Variants in RGMB observed in about 807,000 individuals in gnomAD.
RGMB encodes repulsive guidance molecule B.
A neutral mutation model predicts 26.9 loss-of-function variants in RGMB; 16 were observed. The observed-to-expected ratio is 0.60, with a 90% CI of 0.40 to 0.90. RGMB has a LOEUF of 0.90. Among genes scored for constraint, RGMB ranks in the 40% least tolerant of loss-of-function variants. The pLI, the probability that RGMB is intolerant of heterozygous loss-of-function variation, is 0.00. For synonymous variants in RGMB, 225 were observed against 229.3 expected, an observed-to-expected ratio of 0.98 and a Z score of 0.17; for missense variants, 512 against 573.3, an observed-to-expected ratio of 0.89 and a Z score of 1.09.
In RGMB at chr5:98,793,445, AG is replaced by A; in HGVS notation, c.1007del (p.Ser336ThrfsTer29). ...CCAGGTGTCTGCCATCCTGGGACAC[AG>A]CCTGCCTCGCACCTCCTTGGTGCAG... ...QGQVSAILGH[S>X]LPRTSLVQAW... On this transcript the variant is annotated frameshift_variant, in exon 3 of 3. Transcript: ENST00000513185. LOFTEE classifies it high-confidence loss of function. 6.2e-7 allele frequency: 1 copy of A among 1,612,454 alleles called. No homozygotes were observed. The highest frequency in any genetic ancestry group is 8.5e-7 in the Non-Finnish European group (1 of 1,179,344).
intron 2 of RGMB, among the ~76,000 whole-genome samples, chr5:98,789,456 C>G (rs1454604467): frequency 6.6e-6 from 1 of 151,500 alleles, no homozygotes; most frequent in African/African-American, 2.4e-5. Context: ...TCTTTGTTGG[C>G]TACCTAATTT....
chr5:98,776,202 T>C (rs919241460), intron 1 of RGMB, among the ~76,000 whole-genome samples: 28 of 152,234 alleles, frequency 1.8e-4, no homozygotes, highest in Non-Finnish European at 3.4e-4. Context: ...ATGAAAGCTC[T>C]AGACCCACAA....
At chr5:98,781,757 A>G (rs1383328000) in intron 2 of RGMB, among the ~76,000 whole-genome samples, 1 of 152,218 alleles carries the variant, frequency 6.6e-6, no homozygotes, top group Non-Finnish European at 1.5e-5. Flanking sequence ...CATGCCTTCC[A>G]TCCGGTCATG....
chr5:98,783,946 C>A (rs371216231), intron 2 of RGMB, among the ~76,000 whole-genome samples: 2 of 152,152 alleles, frequency 1.3e-5, no homozygotes, highest in East Asian at 1.9e-4. Context: ...ACCACTCTTG[C>A]TTTCTTATTC....
In RGMB at chr5:98,780,023, T is replaced by A. The variant is rs1250122384; in HGVS notation, c.580T>A (p.Tyr194Asn). 1 of 1,613,756 alleles carries A rather than the reference T, an allele frequency of 6.2e-7. No individual in the cohort carries two copies. Among genetic ancestry groups the A allele is most frequent in the Admixed American group, 1.7e-5 (1 of 60,006 alleles). The stretch of plus-strand genomic sequence containing the variant: ...GGCCTGGCCACTCATAGATAATAAT[T>A]ATCTTTCAGTTCAAGTGACAAACGT... ...EGAWPLIDNN[Y>N]LSVQVTNVPV... The change falls in exon 2 of 3, where the codon TAT becomes AAT. Residue 194 changes from tyrosine (Y) to asparagine (N), a missense_variant. By Grantham distance (143) the Tyr-to-Asn change is moderately radical. Coordinates refer to ENST00000513185, the MANE Select transcript of RGMB (RefSeq NM_001366508.1).
chr5:98,795,057 C>T lies in RGMB; in HGVS notation c.*1304C>T, dbSNP rs1291519556. On this transcript the variant is annotated 3_prime_UTR_variant, in exon 3 of 3. Coordinates refer to ENST00000513185, the MANE Select transcript of RGMB (RefSeq NM_001366508.1). Reference sequence around the variant, plus strand: ...GTTGAATATGATTTGGTCAGTTGCTCGTTGTAACTTGGAGAAATTCCTATA... The same window carrying T: ...GTTGAATATGATTTGGTCAGTTGCTTGTTGTAACTTGGAGAAATTCCTATA... The T allele has an allele frequency of 1.3e-5, 2 of 152,158 alleles. No homozygotes were observed. The highest frequency in any genetic ancestry group is 2.4e-5 in the African/African-American group (1 of 41,426). The allele number at this position is 152,158 out of a possible 1,614,324, so 9.4% of individuals were successfully genotyped here.
In RGMB at chr5:98,793,855, A is replaced by C; in HGVS notation, c.*102A>C. ...GTAAAAGAGTATATATGTATATACC[A>C]TGTATATGACAGGATGTTTGTCCTG... On this transcript the variant is annotated 3_prime_UTR_variant, in exon 3 of 3. Transcript: ENST00000513185. 8 of 884,546 alleles carry C rather than the reference A, an allele frequency of 9.0e-6. No homozygotes were observed. Among genetic ancestry groups the C allele is most frequent in the Non-Finnish European group, 1.3e-5 (8 of 597,960 alleles). The allele number at this position is 884,546 out of a possible 1,614,324, so 54.8% of individuals were successfully genotyped here.
At chr5:98,784,242 C>G (rs1022428269) in intron 2 of RGMB, among the ~76,000 whole-genome samples, 5 of 152,224 alleles carry the variant, frequency 3.3e-5, no homozygotes, top group African/African-American at 1.2e-4. Context: ...GGGCAGCACT[C>G]ATCGCCTGTC....
upstream of RGMB, chr5:98,773,095 C>G (rs1746225768): frequency 6.6e-6 from 1 of 152,192 alleles, no homozygotes; most frequent in Non-Finnish European, 1.5e-5. Flanking sequence ...CTTTACCAGA[C>G]ACCCTCAAAC....
chr5:98,788,375 C>T (rs1325985243), intron 2 of RGMB, among the ~76,000 whole-genome samples: 2 of 152,156 alleles, frequency 1.3e-5, no homozygotes, highest in African/African-American at 4.8e-5. Flanking sequence ...TGTAAAATTA[C>T]ATCCCAGTTC....
Position 98,783,436 on chromosome 5 carries a change from A to G in RGMB, c.645+3348A>G, listed in dbSNP as rs1180714831. ...AGTTAGCTACACTGAGAAGAAAGGCAGGTTTTGTTTTGCAGGAGGAAGTAG... is the reference window on the plus strand; with the variant it reads ...AGTTAGCTACACTGAGAAGAAAGGCGGGTTTTGTTTTGCAGGAGGAAGTAG... On this transcript the variant is annotated intron_variant, in intron 2 of 2. Transcript: ENST00000513185. Among the ~76,000 whole-genome samples the G allele has an allele frequency of 2.0e-5, 3 of 152,206 alleles. No homozygotes were observed. The East Asian group carries it at 5.8e-4, about 29-fold the overall frequency.
chr5:98,793,742 G>C lies in RGMB; in HGVS notation c.1303G>C (p.Val435Leu), dbSNP rs562501978. Residue 435 changes from valine to leucine, a missense_variant, in exon 3 of 3, where the codon GTG becomes CTG. By Grantham distance (32) the Val-to-Leu change is conservative. Coordinates refer to ENST00000513185, the MANE Select transcript of RGMB (RefSeq NM_001366508.1). ...SLGLTCLILI[V>L]FL Reference sequence around the variant, plus strand: ...AGGACTCACCTGCTTGATCCTTATCGTGTTTTTGTAGGGGTTGTCTTTTGT... The same window carrying C: ...AGGACTCACCTGCTTGATCCTTATCCTGTTTTTGTAGGGGTTGTCTTTTGT... 7 of 1,566,898 alleles carry C rather than the reference G, an allele frequency of 4.5e-6. No individual in the cohort carries two copies. Among genetic ancestry groups the C allele is most frequent in the African/African-American group, 1.4e-5 (1 of 73,790 alleles).
chr5:98,780,283 A>T, intron 2 of RGMB, 195 bp downstream of exon 2: 1 of 550,084 alleles, frequency 1.8e-6, no homozygotes, highest in East Asian at 2.9e-5. Flanking sequence ...ACGTGGTTCT[A>T]ATTTTAAATA....
At position 98,793,950 on chromosome 5, in the gene RGMB, T is replaced by C. The variant is rs946248997; in HGVS notation, c.*197T>C. ...TATGTTGGATGTAGTGTTCTTTGATTGTATCAATTTTGTTTTGCAGTTCTG... is the reference window on the plus strand; with the variant it reads ...TATGTTGGATGTAGTGTTCTTTGATCGTATCAATTTTGTTTTGCAGTTCTG... On this transcript the variant is annotated 3_prime_UTR_variant, in exon 3 of 3. Coordinates refer to ENST00000513185, the MANE Select transcript of RGMB (RefSeq NM_001366508.1). The C allele has an allele frequency of 6.0e-6, 3 of 503,058 alleles. No individual in the cohort carries two copies. The highest frequency in any genetic ancestry group is 1.0e-5 in the Non-Finnish European group (3 of 290,936). The allele number at this position is 503,058 out of a possible 1,614,324, so 31.2% of individuals were successfully genotyped here. A position where few individuals can be genotyped will look rare whatever the true frequency, so the allele number is the denominator to read the frequency against.
intron 2 of RGMB, 36 bp downstream of exon 2, chr5:98,780,124 A>T: frequency 6.4e-7 from 1 of 1,561,672 alleles, no homozygotes; most frequent in South Asian, 1.2e-5. Flanking sequence ...TCCCTACTCA[A>T]CTTTCAAAAG....
chr5:98,781,208 A>C (rs1185799905), intron 2 of RGMB: 1 of 152,176 alleles, frequency 6.6e-6, no homozygotes, highest in Non-Finnish European at 1.5e-5. Context: ...GAATTTTACA[A>C]CACCTCGGGA....
rs985947768 is a variant in RGMB, at chr5:98,794,340, C to T, written c.*587C>T. On this transcript the variant is annotated 3_prime_UTR_variant, in exon 3 of 3. Coordinates refer to ENST00000513185, the MANE Select transcript of RGMB (RefSeq NM_001366508.1). ...GCTGATCTTAAGAAGCTCTCTTCAT[C>T]TAAGAGCTGTTACTTTTTCAGAAGG... 1.3e-5 allele frequency: 2 copies of T among 152,182 alleles called. No individual in the cohort carries two copies. Among genetic ancestry groups the T allele is most frequent in the African/African-American group, 4.8e-5 (2 of 41,418 alleles). 9.4% of individuals were successfully genotyped at this position (152,182 alleles called of 1,614,324 possible). A position where few individuals can be genotyped will look rare whatever the true frequency, so the allele number is the denominator to read the frequency against.
At chr5:98,774,271 A>G (rs904860303) in intron 1 of RGMB, 65 bp downstream of exon 1, 10 of 1,328,424 alleles carry the variant, frequency 7.5e-6, no homozygotes, top group Non-Finnish European at 8.7e-6. Context: ...AAATAGCCCC[A>G]GGTCTCGAAG....
chr5:98,787,132 A>C (rs998240199), intron 2 of RGMB, among the ~76,000 whole-genome samples: 1 of 152,244 alleles, frequency 6.6e-6, no homozygotes, highest in Admixed American at 6.5e-5. Context: ...AAATGCAGAC[A>C]TAAAGATATT....
Sources: gnomAD v4.1 joint callset for allele counts (sites outside exome capture counted in the v4.1 genomes callset) on GRCh38, gnomAD v4.1.1 for gene constraint, MANE v1.5 for transcripts, NCBI Gene and HGNC (gene_info 2026-07-23, HGNC 2026-07-21) for gene names.